Variants in MINDY4 observed in about 807,000 individuals in gnomAD.
MINDY4 encodes the protein probable ubiquitin carboxyl-terminal hydrolase MINDY-4.
Under a neutral mutation model 87.0 loss-of-function variants are expected in MINDY4, and 68 were observed. The observed-to-expected ratio is 0.78, with a 90% CI of 0.64 to 0.96. The LOEUF (loss-of-function observed/expected upper bound fraction) is 0.96. MINDY4 is among the 40% of genes least tolerant of loss of function. MINDY4 has a pLI of 0.00. For missense variants in MINDY4, 919 were observed against 928.2 expected (o/e 0.99, Z 0.13); for synonymous variants, 379 against 363.2 (o/e 1.04, Z -0.50).
chr7:30,800,861 T>C (rs1046366948), intron 5 of MINDY4, among the ~76,000 whole-genome samples: 1 of 152,166 alleles, frequency 6.6e-6, no homozygotes, highest in Non-Finnish European at 1.5e-5. Flanking sequence ...CCTGGCAGTT[T>C]TTCAGGTTTT....
At chr7:30,853,596 C>A in intron 12 of MINDY4, 137 bp downstream of exon 12, 2 of 772,880 alleles carry the variant, frequency 2.6e-6, no homozygotes, top group Admixed American at 2.1e-5. Context: ...AGGAGTAATG[C>A]TGGCCCCTGG....
intron 5 of MINDY4, among the ~76,000 whole-genome samples, chr7:30,804,993 G>T (rs980263717): frequency 1.1e-4 from 16 of 152,336 alleles, no homozygotes; most frequent in Middle Eastern, 3.4e-3. Context: ...TAGACTGCAG[G>T]CCCGACAGGT....
intron 9 of MINDY4, among the ~76,000 whole-genome samples, chr7:30,849,711 G>A (rs1342228680): frequency 2.0e-5 from 3 of 152,162 alleles, no homozygotes; most frequent in Admixed American, 6.5e-5. Flanking sequence ...CTGTCTCTGG[G>A]AAATCTGTGC....
rs187834203 is a variant in MINDY4, at chr7:30,859,573, C to T, written c.1745+249C>T. ...CAACCTGAAAGACACGCCACCAGCC[C>T]TTGAGGAGCTTGCCTGGAACTGCAG... On this transcript the variant is annotated intron_variant, in intron 13 of 17. Coordinates refer to ENST00000265299, the MANE Select transcript of MINDY4 (RefSeq NM_032222.3). Among the ~76,000 whole-genome samples the T allele has an allele frequency of 1.4e-4, 22 of 152,352 alleles. No individual in the cohort carries two copies. The East Asian group carries it at 3.1e-3, about 21-fold the overall frequency.
rs751178419 is a variant in MINDY4 at position 30,892,056 on chromosome 7, G to A, written c.*51G>A. 22 of 1,597,106 alleles carry A rather than the reference G, an allele frequency of 1.4e-5. No homozygotes were observed. The highest frequency in any genetic ancestry group is 6.6e-5 in the South Asian group (6 of 90,738). On this transcript the variant is annotated 3_prime_UTR_variant, in exon 18 of 18. Transcript: ENST00000265299. ...GTCCACCACTCATCACCTCATCACC[G>A]AGGATGACAGCTGAACCCCAAGCCT...
rs1399447295 is a variant in MINDY4, at chr7:30,771,565, T to A, written c.63+9T>A. On this transcript the variant is annotated intron_variant, in intron 1 of 17. Transcript: ENST00000265299. ...AGTTCCTCAGCAGAAAGGTAACGGC[T>A]CGCCCCCTCCAAAGCCCAGGAAGTG... The A allele has an allele frequency of 3.7e-5, 58 of 1,588,150 alleles. No homozygotes were observed. The highest frequency in any genetic ancestry group is 4.9e-5 in the Non-Finnish European group (57 of 1,168,394).
At chr7:30,842,061 CTTAG>C (rs1562550294) in intron 9 of MINDY4, among the ~76,000 whole-genome samples, 1 of 152,142 alleles carries the variant, frequency 6.6e-6, no homozygotes. Context: ...ATGATTTTTC[CTTAG>C]TTAGGGTTCA....
chr7:30,873,269 C>T (rs977877565), intron 14 of MINDY4, among the ~76,000 whole-genome samples: 42 of 152,198 alleles, frequency 2.8e-4, no homozygotes, highest in Non-Finnish European at 1.0e-4. Flanking sequence ...CATCTGCCTG[C>T]CCCATGGGAG....
chr7:30,818,801 G>A lies in MINDY4; in HGVS notation c.1074-9878G>A, dbSNP rs115045320. On this transcript the variant is annotated intron_variant, in intron 5 of 17. Coordinates refer to ENST00000265299, the MANE Select transcript of MINDY4 (RefSeq NM_032222.3). ...TTTCAGATTTTCTGTTCATTTTTTC[G>A]TCAGTTTTGTGATTTTTCTAGAAAA... Among the ~76,000 whole-genome samples, 431 of 152,098 alleles carry A rather than the reference G, an allele frequency of 2.8e-3. 2 individuals carry two copies. Among genetic ancestry groups the A allele is most frequent in the African/African-American group, 9.7e-3 (404 of 41,492 alleles).
At chr7:30,860,755 C>G (rs1301117844) in intron 13 of MINDY4, among the ~76,000 whole-genome samples, 1 of 152,136 alleles carries the variant, frequency 6.6e-6, no homozygotes, top group East Asian at 1.9e-4. Context: ...AAAGGGGCTT[C>G]AGGGTTCCAT....
intron 6 of MINDY4, 139 bp downstream of exon 6, chr7:30,828,876 TAGA>T: frequency 1.4e-6 from 1 of 711,992 alleles, no homozygotes; most frequent in Non-Finnish European, 2.4e-6. Context: ...GTGAGTAGAG[TAGA>T]CTACTCTCTC....
intron 17 of MINDY4, among the ~76,000 whole-genome samples, chr7:30,886,065 G>A (rs888663792): frequency 3.3e-5 from 5 of 152,202 alleles, no homozygotes; most frequent in African/African-American, 7.2e-5. Flanking sequence ...AGGCCCCACC[G>A]TGTCAGGAAG....
intron 4 of MINDY4, among the ~76,000 whole-genome samples, chr7:30,788,849 G>T (rs1350590924): frequency 6.6e-6 from 1 of 152,186 alleles, no homozygotes; most frequent in Non-Finnish European, 1.5e-5. Flanking sequence ...TGTTGAAGAG[G>T]TGTGTGCTGG....
chr7:30,860,129 A>G (rs569249050), intron 13 of MINDY4, among the ~76,000 whole-genome samples: 2 of 152,240 alleles, frequency 1.3e-5, no homozygotes, highest in South Asian at 4.1e-4. Context: ...TGAGGGATGC[A>G]GGTGGGGTAG....
At chr7:30,847,550 C>A (rs7792691) in intron 9 of MINDY4, among the ~76,000 whole-genome samples, 5,407 of 151,450 alleles carry the variant, frequency 0.036, 294 homozygotes, top group African/African-American at 0.12. Flanking sequence ...TACTAACTAT[C>A]TGATCTGAGT....
chr7:30,774,287 A>G (rs536111939), intron 1 of MINDY4, among the ~76,000 whole-genome samples: 1 of 152,300 alleles, frequency 6.6e-6, no homozygotes, highest in East Asian at 1.9e-4. Context: ...CCTGGGCTGC[A>G]CCATTCACTC....
At chr7:30,876,733 T>C (rs11979733) in intron 15 of MINDY4, among the ~76,000 whole-genome samples, 20,377 of 152,130 alleles carry the variant, frequency 0.13, 3,348 homozygotes, top group African/African-American at 0.39. Flanking sequence ...AAGGTTGTCC[T>C]GAGGGGCAGC....
At chr7:30,777,127 G>A (rs955549346) in intron 1 of MINDY4, among the ~76,000 whole-genome samples, 4 of 151,458 alleles carry the variant, frequency 2.6e-5, no homozygotes, top group Admixed American at 6.6e-5. Context: ...CTCCTGCCTC[G>A]GCCTCTCAAA....
intron 15 of MINDY4, 24 bp from the exon 16 acceptor site, chr7:30,882,157 A>C: frequency 6.3e-7 from 1 of 1,576,050 alleles, no homozygotes. Context: ...ACGGCATTTC[A>C]CATCAGGCCT....
Sources: allele counts gnomAD v4.1 joint callset (sites outside exome capture counted in the v4.1 genomes callset), GRCh38; gene constraint gnomAD v4.1.1; transcripts MANE v1.5; gene names NCBI Gene and HGNC (gene_info 2026-07-23, HGNC 2026-07-21).